The following CNTN4 variants were observed in gnomAD, a reference collection of about 807,000 sequenced individuals.
CNTN4 encodes the protein contactin 4.
A neutral mutation model predicts 122.5 loss-of-function variants in CNTN4; 77 were observed. The ratio of observed to expected loss-of-function variants is 0.63; its 90% CI spans 0.52 to 0.76. The LOEUF is 0.76. CNTN4 is among the 30% of genes least tolerant of loss of function. CNTN4 has a pLI of 0.00. For synonymous variants in CNTN4, 512 were observed against 447.0 expected (o/e 1.15, Z -1.83); for missense variants, 1,256 against 1,259.1 (o/e 1.00, Z 0.04).
chr3:2,758,619 A>C (rs1201904231), intron 6 of CNTN4, among the ~76,000 whole-genome samples: 1 of 146,854 alleles, frequency 6.8e-6, no homozygotes, highest in Non-Finnish European at 1.5e-5. Flanking sequence ...CTATTCGCCT[A>C]CCTCAGCTTC....
intron 7 of CNTN4, among the ~76,000 whole-genome samples, chr3:2,843,459 A>G (rs1264408920): frequency 6.6e-6 from 1 of 152,140 alleles, no homozygotes; most frequent in Non-Finnish European, 1.5e-5. Context: ...GTTACATAAA[A>G]GCCAGGGTGA....
chr3:2,510,590 A>T (rs2076858130), intron 3 of CNTN4, among the ~76,000 whole-genome samples: 1 of 152,152 alleles, frequency 6.6e-6, no homozygotes, highest in African/African-American at 2.4e-5. Context: ...CTAAAATGGA[A>T]TGTTTTATAT....
At chr3:2,242,873 C>T (rs771915231) in intron 2 of CNTN4, among the ~76,000 whole-genome samples, 1 of 152,052 alleles carries the variant, frequency 6.6e-6, no homozygotes, top group Non-Finnish European at 1.5e-5. Context: ...ACACTAATCA[C>T]GTATAACAGT....
chr3:2,281,073 A>G (rs1319990414), intron 2 of CNTN4, among the ~76,000 whole-genome samples: 1 of 152,200 alleles, frequency 6.6e-6, no homozygotes, highest in Non-Finnish European at 1.5e-5. Context: ...CTGTGACCTA[A>G]CAAGCAAAGT....
Position 2,626,604 on chromosome 3 carries a change from C to T in CNTN4, c.55+55046C>T, listed in dbSNP as rs1416464428. On this transcript the variant is annotated intron_variant, in intron 4 of 24. Transcript: ENST00000418658. ...TCATTTAAGAGGGAAAATAATTACC[C>T]AAGAGGAGAGGAAAGAATTGGATTG... is the stretch of plus-strand genomic sequence containing the variant. Among the ~76,000 whole-genome samples, 8 of 151,930 alleles carry T rather than the reference C, an allele frequency of 5.3e-5. No individual in the cohort carries two copies. The South Asian group carries it at 1.0e-3, about 20-fold the overall frequency.
At chr3:2,314,924 T>C (rs1048170089) in intron 2 of CNTN4, among the ~76,000 whole-genome samples, 2 of 152,012 alleles carry the variant, frequency 1.3e-5, no homozygotes, top group African/African-American at 2.4e-5. Flanking sequence ...TTTAAGTTAT[T>C]ATATCATGTT....
At chr3:2,170,114 G>T (rs2036418137) in intron 2 of CNTN4, among the ~76,000 whole-genome samples, 1 of 151,886 alleles carries the variant, frequency 6.6e-6, no homozygotes, top group Admixed American at 6.6e-5. Flanking sequence ...AAGGTCAGGA[G>T]ATCGAGACCA....
At chr3:2,164,306 A>G (rs2036100149) in intron 2 of CNTN4, among the ~76,000 whole-genome samples, 1 of 152,164 alleles carries the variant, frequency 6.6e-6, no homozygotes, top group Non-Finnish European at 1.5e-5. Context: ...TGACCAAATT[A>G]ATTAACTGGA....
chr3:2,392,416 A>G lies in CNTN4; in HGVS notation c.-89+53183A>G, dbSNP rs150308082. Among the ~76,000 whole-genome samples the G allele has an allele frequency of 7.9e-5, 12 of 152,078 alleles. No individual in the cohort carries two copies. The East Asian group carries it at 2.3e-3, about 29-fold the overall frequency. On this transcript the variant is annotated intron_variant, in intron 3 of 24. Coordinates refer to ENST00000418658, the MANE Select transcript of CNTN4 (RefSeq NM_175607.3). ...ATTAAATGTCTCTGGTTGGCTTCCTACTCATTATGCCTTGTTACCAGATGA... is the reference window on the plus strand; with the variant it reads ...ATTAAATGTCTCTGGTTGGCTTCCTGCTCATTATGCCTTGTTACCAGATGA...
At chr3:2,451,936 C>G (rs757437699) in intron 3 of CNTN4, among the ~76,000 whole-genome samples, 1 of 152,268 alleles carries the variant, frequency 6.6e-6, no homozygotes, top group East Asian at 1.9e-4. Context: ...CACATTAAAT[C>G]TCTATTTTAC....
chr3:2,232,357 C>G (rs150147246), intron 2 of CNTN4, among the ~76,000 whole-genome samples: 33 of 152,272 alleles, frequency 2.2e-4, no homozygotes, highest in African/African-American at 5.8e-4. Flanking sequence ...AGCTTAAGAT[C>G]TTTTCCACTA....
intron 2 of CNTN4, among the ~76,000 whole-genome samples, chr3:2,320,396 C>T (rs189937995): frequency 6.6e-6 from 1 of 152,034 alleles, no homozygotes; most frequent in African/African-American, 2.4e-5. Flanking sequence ...GGTTATGTGC[C>T]TAAATTTGTG....
At chr3:2,868,684 T>C (rs2093751301) in intron 8 of CNTN4, among the ~76,000 whole-genome samples, 1 of 152,200 alleles carries the variant, frequency 6.6e-6, no homozygotes, top group African/African-American at 2.4e-5. Context: ...ATTTAGAACT[T>C]CCTGTGTGAC....
At chr3:2,188,262 C>A (rs2037366582) in intron 2 of CNTN4, among the ~76,000 whole-genome samples, 1 of 152,136 alleles carries the variant, frequency 6.6e-6, no homozygotes, top group Non-Finnish European at 1.5e-5. Context: ...ATTGAGAGGT[C>A]CCTAATAATT....
At chr3:2,293,681 A>T in intron 2 of CNTN4, among the ~76,000 whole-genome samples, 1 of 152,206 alleles carries the variant, frequency 6.6e-6, no homozygotes, top group Non-Finnish European at 1.5e-5. Flanking sequence ...TATCTTTCTT[A>T]CGAGTATATC....
At chr3:2,255,847 A>G (rs1360810122) in intron 2 of CNTN4, among the ~76,000 whole-genome samples, 5 of 152,342 alleles carry the variant, frequency 3.3e-5, no homozygotes, top group East Asian at 3.9e-4. Flanking sequence ...GGAAAGATCT[A>G]AAATTGACAG....
chr3:2,281,215 G>T (rs1384122372), intron 2 of CNTN4, among the ~76,000 whole-genome samples: 1 of 152,100 alleles, frequency 6.6e-6, no homozygotes, highest in African/African-American at 2.4e-5. Flanking sequence ...AACATGGACA[G>T]CATTGTTGAA....
intron 2 of CNTN4, among the ~76,000 whole-genome samples, chr3:2,241,263 T>C (rs1028180770): frequency 6.6e-6 from 1 of 152,236 alleles, no homozygotes; most frequent in Non-Finnish European, 1.5e-5. Context: ...TCATAATTAC[T>C]GTAGTAAATT....
intron 6 of CNTN4, among the ~76,000 whole-genome samples, chr3:2,760,858 G>A (rs2090559339): frequency 6.6e-6 from 1 of 151,966 alleles, no homozygotes; most frequent in Admixed American, 6.6e-5. Flanking sequence ...CTTTTCTCAG[G>A]GTCTCAGTTC....
Sources: allele counts gnomAD v4.1 joint callset (sites outside exome capture counted in the v4.1 genomes callset), GRCh38; gene constraint gnomAD v4.1.1; transcripts MANE v1.5; gene names NCBI Gene and HGNC (gene_info 2026-07-23, HGNC 2026-07-21).